LIMCH1: variants seen among roughly 807,000 people sequenced by gnomAD.
LIMCH1 encodes the protein LIM and calponin homology domains-containing protein 1.
In LIMCH1, 113 loss-of-function variants were observed where a neutral mutation model predicts 176.5. The ratio of observed to expected loss-of-function variants is 0.64; its 90% confidence interval spans 0.55 to 0.75. The LOEUF is 0.75. Ranked by LOEUF, LIMCH1 falls within the 30% of genes least tolerant of loss-of-function variation. LIMCH1 has a pLI of 0.00. For synonymous variants in LIMCH1, 619 were observed against 645.9 expected (o/e 0.96, Z 0.63); for missense variants, 1,674 against 1,814.9 (o/e 0.92, Z 1.41).
intron 1 of LIMCH1, among the ~76,000 whole-genome samples, chr4:41,474,442 G>A (rs2067431124): frequency 1.3e-5 from 2 of 152,122 alleles, no homozygotes; most frequent in Non-Finnish European, 2.9e-5. Context: ...AGCCAAGATC[G>A]CACCACTGCT....
intron 1 of LIMCH1, among the ~76,000 whole-genome samples, chr4:41,404,196 C>G (rs1468429589): frequency 6.6e-6 from 1 of 152,132 alleles, no homozygotes; most frequent in Non-Finnish European, 1.5e-5. Context: ...AGACTTCCTT[C>G]ACCATATCTC....
At chr4:41,466,665 C>T (rs932176012) in intron 1 of LIMCH1, among the ~76,000 whole-genome samples, 1 of 152,166 alleles carries the variant, frequency 6.6e-6, no homozygotes, top group African/African-American at 2.4e-5. Context: ...GATAGATTTC[C>T]TGTGTCATTT....
intron 2 of LIMCH1, among the ~76,000 whole-genome samples, chr4:41,501,825 G>A (rs376678149): frequency 4.1e-4 from 58 of 142,156 alleles, no homozygotes; most frequent in African/African-American, 1.3e-3. Context: ...AAAATCAATG[G>A]CATTTTCACT....
At position 41,631,155 on chromosome 4, in the gene LIMCH1, G is replaced by A. The variant is rs185882675; in HGVS notation, c.1279G>A (p.Asp427Asn). The change falls in exon 10 of 32, where the codon GAT becomes AAT. Residue 427 changes from aspartate (D) to asparagine (N), a missense_variant. Around this residue, in one of 3 missense-constraint regions of LIMCH1, gnomAD observed 655 missense variants for 692.2 expected, o/e 0.95. Transcript: ENST00000503057. ...LKVSEKARDG[D>N]VQHICASEPS... Reference sequence around the variant, plus strand: ...ATTTCTGGTTTTGACTAGGGATGGAGATGTTCAGCACATCTGTGCTTCTGA... The same window carrying A: ...ATTTCTGGTTTTGACTAGGGATGGAAATGTTCAGCACATCTGTGCTTCTGA... 8,246 of 1,526,990 alleles carry A rather than the reference G, an allele frequency of 5.4e-3. 34 individuals carry two copies. Among genetic ancestry groups the A allele is most frequent in the Non-Finnish European group, 6.4e-3 (7,353 of 1,142,702 alleles). 94.6% of individuals were successfully genotyped at this position (1,526,990 alleles called of 1,614,324 possible).
chr4:41,544,696 A>G (rs4547825), intron 1 of LIMCH1, among the ~76,000 whole-genome samples: 56,876 of 152,072 alleles, frequency 0.37, 14,779 homozygotes, highest in African/African-American at 0.74. Flanking sequence ...GAGCTGCAAC[A>G]TCAAAGCCTA....
chr4:41,567,161 G>A (rs913408654), intron 1 of LIMCH1, among the ~76,000 whole-genome samples: 1 of 152,148 alleles, frequency 6.6e-6, no homozygotes, highest in African/African-American at 2.4e-5. Context: ...CTGAGGTTAA[G>A]GGGGGGACCT....
intron 21 of LIMCH1, chr4:41,671,055 C>CT: frequency 1.2e-6 from 1 of 818,858 alleles, no homozygotes; most frequent in Non-Finnish European, 1.5e-6. Flanking sequence ...AGTCCCCTGC[C>CT]TTTAAAAAAA....
chr4:41,499,535 T>G (rs1433590307), intron 2 of LIMCH1, among the ~76,000 whole-genome samples: 1 of 152,206 alleles, frequency 6.6e-6, no homozygotes, highest in African/African-American at 2.4e-5. Context: ...AAATCTAGGA[T>G]CTGGCCGGGA....
At chr4:41,629,880 T>G (rs2093217529) in intron 9 of LIMCH1, 146 bp downstream of exon 9, 3 of 948,284 alleles carry the variant, frequency 3.2e-6, no homozygotes, top group Middle Eastern at 3.4e-4. Flanking sequence ...TGATCACAGT[T>G]CACTGTACCC....
chr4:41,514,557 T>C (rs574150304), intron 2 of LIMCH1, among the ~76,000 whole-genome samples: 8 of 152,020 alleles, frequency 5.3e-5, no homozygotes, highest in African/African-American at 1.7e-4. Context: ...AGGTGAGAGG[T>C]AGGTATCAAG....
In LIMCH1 at chr4:41,631,405, CTG is replaced by C; in HGVS notation, c.1533_1534del (p.Pro513CysfsTer15). The C allele has an allele frequency of 6.5e-7, 1 of 1,535,682 alleles. No homozygotes were observed. Among genetic ancestry groups the C allele is most frequent in the Non-Finnish European group, 8.7e-7 (1 of 1,146,750 alleles). ...CATGGCAGCAAGATTCAAATGGACT[CTG>C]TGTCTCCTGTCTCAGCGGCCACTTC... On this transcript the variant is annotated frameshift_variant, in exon 10 of 32. Coordinates refer to ENST00000503057, the MANE Select transcript of LIMCH1 (RefSeq NM_001330672.2). LOFTEE classifies it high-confidence loss of function.
chr4:41,547,211 A>C (rs1342257433), intron 1 of LIMCH1, among the ~76,000 whole-genome samples: 1 of 152,144 alleles, frequency 6.6e-6, no homozygotes, highest in Non-Finnish European at 1.5e-5. Flanking sequence ...CATTATTATC[A>C]GCTATAGTCG....
intron 1 of LIMCH1, among the ~76,000 whole-genome samples, chr4:41,590,008 C>T (rs1260288094): frequency 6.6e-6 from 1 of 152,204 alleles, no homozygotes; most frequent in African/African-American, 2.4e-5. Context: ...TCCCCACATC[C>T]ACTCAATGGC....
intron 1 of LIMCH1, among the ~76,000 whole-genome samples, chr4:41,412,484 G>A (rs1454711434): frequency 6.6e-6 from 1 of 152,116 alleles, no homozygotes; most frequent in Non-Finnish European, 1.5e-5. Flanking sequence ...TAGTCATAGG[G>A]GGAAATAGAG....
chr4:41,595,522 A>T (rs1319788907), intron 1 of LIMCH1, among the ~76,000 whole-genome samples: 1 of 152,168 alleles, frequency 6.6e-6, no homozygotes, highest in Non-Finnish European at 1.5e-5. Flanking sequence ...TAGAAAATGG[A>T]GACAATAACA....
At chr4:41,589,562 A>T (rs563691221) in intron 1 of LIMCH1, among the ~76,000 whole-genome samples, 1 of 152,308 alleles carries the variant, frequency 6.6e-6, no homozygotes, top group South Asian at 2.1e-4. Flanking sequence ...CCCCAGACAC[A>T]CAGTGCTTCC....
intron 1 of LIMCH1, among the ~76,000 whole-genome samples, chr4:41,412,645 C>A (rs1042297552): frequency 6.6e-6 from 1 of 152,112 alleles, no homozygotes. Flanking sequence ...CTAATACCAT[C>A]ATGTGTTAGA....
chr4:41,554,055 G>T (rs1178583810), intron 1 of LIMCH1, among the ~76,000 whole-genome samples: 1 of 152,126 alleles, frequency 6.6e-6, no homozygotes, highest in East Asian at 1.9e-4. Flanking sequence ...TTCATGGTTG[G>T]CTTCAATCCT....
chr4:41,660,022 C>T (rs932529243), intron 18 of LIMCH1, among the ~76,000 whole-genome samples: 5 of 151,968 alleles, frequency 3.3e-5, no homozygotes, highest in African/African-American at 1.2e-4. Context: ...TCACCCAAAA[C>T]TTAAGCACAT....
Sources: gnomAD v4.1 joint callset for allele counts (sites outside exome capture counted in the v4.1 genomes callset) on GRCh38, gnomAD v4.1.1 for gene constraint, gnomAD v4.1.1 regional missense constraint, MANE v1.5 for transcripts, NCBI Gene and HGNC (gene_info 2026-07-23, HGNC 2026-07-21) for gene names.